RNGTT: variants seen among roughly 807,000 people sequenced by gnomAD.
The protein encoded by RNGTT is RNA guanylyltransferase and 5'-phosphatase.
In RNGTT, 33 loss-of-function variants were observed where a neutral mutation model predicts 79.3. That is an observed-to-expected ratio of 0.42 (90% confidence interval 0.32 to 0.56). RNGTT has a LOEUF of 0.56. RNGTT is among the 20% of genes least tolerant of loss of function. RNGTT has a pLI of 0.17. For missense variants in RNGTT, 497 were observed against 739.1 expected, an observed-to-expected ratio of 0.67 and a Z score of 3.80; for synonymous variants, 222 against 235.9, an observed-to-expected ratio of 0.94 and a Z score of 0.54.
chr6:88,955,244 A>G (rs1785387524), intron 1 of RNGTT, among the ~76,000 whole-genome samples: 2 of 152,200 alleles, frequency 1.3e-5, no homozygotes, highest in South Asian at 4.2e-4. Flanking sequence ...CTAAGAGGAA[A>G]GTTCATAGCA....
intron 13 of RNGTT, among the ~76,000 whole-genome samples, chr6:88,679,749 G>C (rs1188514054): frequency 6.6e-6 from 1 of 152,160 alleles, no homozygotes; most frequent in African/African-American, 2.4e-5. Flanking sequence ...ACAGGGTATA[G>C]GAAGGACATA....
At chr6:88,803,305 G>A (rs532003750) in intron 11 of RNGTT, among the ~76,000 whole-genome samples, 2 of 152,238 alleles carry the variant, frequency 1.3e-5, no homozygotes, top group South Asian at 4.1e-4. Flanking sequence ...GCTGGGCATG[G>A]TGGCTCACAC....
chr6:88,632,177 G>T (rs2127769742), intron 14 of RNGTT, among the ~76,000 whole-genome samples: 1 of 152,182 alleles, frequency 6.6e-6, no homozygotes, highest in Middle Eastern at 3.4e-3. Context: ...GCCCAGGCTG[G>T]TCTCAAACAC....
intron 4 of RNGTT, among the ~76,000 whole-genome samples, chr6:88,908,232 G>T (rs1783719701): frequency 6.6e-6 from 1 of 152,038 alleles, no homozygotes; most frequent in Non-Finnish European, 1.5e-5. Context: ...ATAAAATGAA[G>T]AAAAATACTG....
intron 13 of RNGTT, among the ~76,000 whole-genome samples, chr6:88,699,345 TGTAGCATTATTCACA>T (rs774000647): frequency 3.3e-5 from 5 of 152,298 alleles, no homozygotes; most frequent in Admixed American, 6.5e-5. Context: ...CAATGTTCAC[TGTAGCATTATTCACA>T]GTAGCCAAAA....
At chr6:88,903,496 A>G (rs531860649) in intron 6 of RNGTT, among the ~76,000 whole-genome samples, 14 of 152,358 alleles carry the variant, frequency 9.2e-5, no homozygotes, top group Middle Eastern at 3.4e-3. Flanking sequence ...ATCTAAATCC[A>G]GGAAATAATA....
intron 13 of RNGTT, among the ~76,000 whole-genome samples, chr6:88,739,749 A>G (rs1429783077): frequency 8.1e-5 from 4 of 49,368 alleles, no homozygotes; most frequent in Non-Finnish European, 2.1e-4. Context: ...ATATATATAT[A>G]TATATATATA....
intron 14 of RNGTT, among the ~76,000 whole-genome samples, chr6:88,637,011 A>G (rs1172298081): frequency 6.6e-6 from 1 of 152,084 alleles, no homozygotes; most frequent in Non-Finnish European, 1.5e-5. Flanking sequence ...ATGTTATTCA[A>G]TTTTTAAGCA....
chr6:88,798,423 C>T (rs530843931), intron 12 of RNGTT, among the ~76,000 whole-genome samples: 2 of 151,776 alleles, frequency 1.3e-5, no homozygotes, highest in East Asian at 3.9e-4. Context: ...CATGTTTGTG[C>T]CACTGCACAC....
At chr6:88,806,659 T>A (rs1779965112) in intron 11 of RNGTT, among the ~76,000 whole-genome samples, 1 of 152,120 alleles carries the variant, frequency 6.6e-6, no homozygotes, top group Non-Finnish European at 1.5e-5. Context: ...TGTAAATTAG[T>A]TCAACCATTG....
intron 13 of RNGTT, among the ~76,000 whole-genome samples, chr6:88,728,264 AC>A (rs1776987930): frequency 6.6e-6 from 1 of 152,220 alleles, no homozygotes; most frequent in South Asian, 2.1e-4. Context: ...GCCTTGTTAT[AC>A]CCTGTGGGGA....
chr6:88,831,198 C>A (rs1490635112), intron 11 of RNGTT, among the ~76,000 whole-genome samples: 1 of 152,176 alleles, frequency 6.6e-6, no homozygotes, highest in Admixed American at 6.5e-5. Flanking sequence ...CAATAAAATA[C>A]TGGCAAACCA....
intron 13 of RNGTT, among the ~76,000 whole-genome samples, chr6:88,750,948 A>G (rs1777820639): frequency 6.6e-6 from 1 of 152,040 alleles, no homozygotes; most frequent in Non-Finnish European, 1.5e-5. Context: ...ATAGTTATTT[A>G]TATCTGCCAT....
chr6:88,907,417 G>T lies in RNGTT; in HGVS notation c.368-977C>A, dbSNP rs182092205. Among the ~76,000 whole-genome samples the T allele has an allele frequency of 7.1e-4, 108 of 152,174 alleles. 1 individual carries two copies. Among genetic ancestry groups the T allele is most frequent in the Admixed American group, 6.9e-3 (106 of 15,284 alleles). On this transcript the variant is annotated intron_variant, in intron 4 of 15. Coordinates refer to ENST00000369485, the MANE Select transcript of RNGTT (RefSeq NM_003800.5). Reference sequence around the variant, plus strand: ...TCTCTCTCTTCTCACCACTAAGATTGTAAGTGTTTGACAGTTCCTCCTTCA... The same window carrying T: ...TCTCTCTCTTCTCACCACTAAGATTTTAAGTGTTTGACAGTTCCTCCTTCA...
chr6:88,780,961 G>C (rs1401524141), intron 12 of RNGTT, among the ~76,000 whole-genome samples: 1 of 152,150 alleles, frequency 6.6e-6, no homozygotes, highest in Non-Finnish European at 1.5e-5. Flanking sequence ...ATTTTTGGTT[G>C]AACAAGAGGT....
rs1410045912 is a variant in RNGTT, at chr6:88,892,048, A to C, written c.685-133T>G. ...CTTAGCAAGTCAATATATCTAACAG[A>C]AACGGTCTGCTGTATAAACTCCCCT... On this transcript the variant is annotated intron_variant, in intron 6 of 15. Coordinates refer to ENST00000369485, the MANE Select transcript of RNGTT (RefSeq NM_003800.5). The C allele has an allele frequency of 1.5e-5, 9 of 605,786 alleles. No individual in the cohort carries two copies. The African/African-American group carries it at 1.7e-4, about 12-fold the overall frequency. The allele number at this position is 605,786 out of a possible 1,614,324, so 37.5% of individuals were successfully genotyped here. A position where few individuals can be genotyped will look rare whatever the true frequency, so the allele number is the denominator to read the frequency against.
intron 13 of RNGTT, among the ~76,000 whole-genome samples, chr6:88,729,444 G>T (rs1777035274): frequency 6.7e-6 from 1 of 149,240 alleles, no homozygotes; most frequent in Non-Finnish European, 1.5e-5. Flanking sequence ...TGGGTCTTTT[G>T]ACTCTCACAT....
At chr6:88,825,375 T>C (rs1282601533) in intron 11 of RNGTT, among the ~76,000 whole-genome samples, 1 of 152,176 alleles carries the variant, frequency 6.6e-6, no homozygotes, top group Non-Finnish European at 1.5e-5. Context: ...CTTTCAAGAA[T>C]ATTTGGTGGC....
chr6:88,689,526 G>T (rs779148472), intron 13 of RNGTT, among the ~76,000 whole-genome samples: 67 of 151,426 alleles, frequency 4.4e-4, no homozygotes, highest in Middle Eastern at 3.4e-3. Context: ...CCCAGGAGGC[G>T]GAGGTTGCAG....
Sources: gnomAD v4.1 joint callset for allele counts (sites outside exome capture counted in the v4.1 genomes callset) on GRCh38, gnomAD v4.1.1 for gene constraint, MANE v1.5 for transcripts, NCBI Gene and HGNC (gene_info 2026-07-23, HGNC 2026-07-21) for gene names.